The following KIF17 variants were observed in gnomAD, a reference collection of about 807,000 sequenced individuals.
KIF17 encodes kinesin family member 17.
In KIF17, 80 loss-of-function variants were observed where a neutral mutation model predicts 96.8. The observed-to-expected ratio is 0.83, with a 90% confidence interval of 0.69 to 1.00. The LOEUF is 1.00. Among genes scored for constraint, KIF17 ranks in the 50% least tolerant of loss-of-function variants. The pLI is 0.00. For synonymous variants in KIF17, 567 were observed against 587.5 expected, an observed-to-expected ratio of 0.97 and a Z score of 0.51; for missense variants, 1,280 against 1,372.9, an observed-to-expected ratio of 0.93 and a Z score of 1.07.
At chr1:20,710,894 G>T (rs2054423852) in intron 3 of KIF17, among the ~76,000 whole-genome samples, 2 of 152,162 alleles carry the variant, frequency 1.3e-5, no homozygotes, top group Non-Finnish European at 2.9e-5. Flanking sequence ...TGTTAGTGGG[G>T]TCACAGCCGA....
At position 20,687,269 on chromosome 1, in the gene KIF17, AG is replaced by A; in HGVS notation, c.1938+118del. 1 of 1,140,106 alleles carries A rather than the reference AG, an allele frequency of 8.8e-7. No homozygotes were observed. The highest frequency in any genetic ancestry group is 1.3e-6 in the Non-Finnish European group (1 of 761,482). 70.6% of individuals were successfully genotyped at this position (1,140,106 alleles called of 1,614,324 possible). On this transcript the variant is annotated intron_variant, in intron 8 of 14. Coordinates refer to ENST00000400463, the MANE Select transcript of KIF17 (RefSeq NM_001122819.3). The surrounding 1 kb of genome is among the most constrained non-coding windows in gnomAD (Gnocchi z 4.4). ...GCCAGAGCCGCAGCAGACACAGTGG[AG>A]CCACGGCCTGAGTGTCGGAGGCCAT...
At position 20,704,628 on chromosome 1, in the gene KIF17, A is replaced by G. The variant is rs2054308268; in HGVS notation, c.942T>C (p.Pro314=). Residue 314 remains proline (P), a synonymous_variant, in exon 5 of 15, where the codon CCT becomes CCC. Transcript: ENST00000400463. The surrounding 1 kb of genome is among the most constrained non-coding windows in gnomAD (Gnocchi z 6.8). Reference sequence around the variant, plus strand: ...GTGTCTCATCGTAGTTGTTGTCCGCAGGCGACAGGCAGGCCACCATGAGCG... The same window carrying G: ...GTGTCTCATCGTAGTTGTTGTCCGCGGGCGACAGGCAGGCCACCATGAGCG... ...TKTLMVACLS[P]ADNNYDETLS... 3 of 1,613,846 alleles carry G rather than the reference A, an allele frequency of 1.9e-6. No homozygotes were observed. The highest frequency in any genetic ancestry group is 2.5e-6 in the Non-Finnish European group (3 of 1,179,954).
At chr1:20,715,927 C>T (rs1164599153) in intron 1 of KIF17, among the ~76,000 whole-genome samples, 2 of 152,198 alleles carry the variant, frequency 1.3e-5, no homozygotes, top group African/African-American at 2.4e-5. Flanking sequence ...GCTGGCCTTA[C>T]TGAGGCAAAT....
intron 6 of KIF17, chr1:20,693,731 A>C (rs541121429): frequency 6.6e-6 from 1 of 152,232 alleles, no homozygotes; most frequent in South Asian, 2.1e-4. Flanking sequence ...GGGGGTTTTC[A>C]ACCATTTCAC....
rs201424643 is a variant in KIF17 at position 20,704,799 on chromosome 1, G to A, written c.771C>T (p.Leu257=). The A allele has an allele frequency of 1.3e-4, 210 of 1,609,450 alleles. No individual in the cohort carries two copies. The Middle Eastern group carries it at 1.7e-3, about 13-fold the overall frequency. The change falls in exon 5 of 15, where the codon CTC becomes CTT. Residue 257 remains leucine, a synonymous_variant. Coordinates refer to ENST00000400463, the MANE Select transcript of KIF17 (RefSeq NM_001122819.3). The surrounding 1 kb of genome is among the most constrained non-coding windows in gnomAD (Gnocchi z 6.8). ...ACAGGTTGATCTTGGTGGCCTCCTT[G>A]AGCCGCTCGCCCGTGGCCCCGGTCT... ...QSKTGATGER[L]KEATKINLSL... is the part of the protein sequence containing the mutation.
Position 20,704,532 on chromosome 1 carries a change from C to T in KIF17, c.1038G>A (p.Lys346=). Residue 346 remains lysine, a synonymous_variant, in exon 5 of 15, where the codon AAG becomes AAA. Coordinates refer to ENST00000400463, the MANE Select transcript of KIF17 (RefSeq NM_001122819.3). The surrounding 1 kb of genome is among the most constrained non-coding windows in gnomAD (Gnocchi z 6.8). ...CCTGGTACTCGCGAAGCAGCGCATC[C>T]TTGGGGTCCTCATTGATGCGCGGCT... ...RNKPRINEDP[K]DALLREYQEE... is the part of the protein sequence containing the mutation. 6.2e-7 allele frequency: 1 copy of T among 1,614,182 alleles called. No homozygotes were observed. Among genetic ancestry groups the T allele is most frequent in the Non-Finnish European group, 8.5e-7 (1 of 1,180,012 alleles).
At chr1:20,711,285 G>A (rs1479641277) in intron 3 of KIF17, among the ~76,000 whole-genome samples, 1 of 152,144 alleles carries the variant, frequency 6.6e-6, no homozygotes, top group East Asian at 1.9e-4. Context: ...CACCCGAGGG[G>A]TCTCCCGCCA....
rs1437649473 is a variant in KIF17, at chr1:20,699,237, C to T, written c.1124-749G>A. Reference sequence around the variant, plus strand: ...GTGCTGGGATTACAGGGGTGAGCTGCCTTGCCCGGCCCAAGTTGCCATTTA... The same window carrying T: ...GTGCTGGGATTACAGGGGTGAGCTGTCTTGCCCGGCCCAAGTTGCCATTTA... On this transcript the variant is annotated intron_variant, in intron 5 of 14. Coordinates refer to ENST00000400463, the MANE Select transcript of KIF17 (RefSeq NM_001122819.3). The surrounding 1 kb of genome is among the most constrained non-coding windows in gnomAD (Gnocchi z 4.3). 6.6e-6 allele frequency among the ~76,000 whole-genome samples: 1 copy of T among 152,274 alleles called. No individual in the cohort carries two copies. The highest frequency in any genetic ancestry group is 1.9e-4 in the East Asian group (1 of 5,182).
chr1:20,678,619 AC>A (rs2053777367), intron 11 of KIF17, among the ~76,000 whole-genome samples: 1 of 151,970 alleles, frequency 6.6e-6, no homozygotes, highest in African/African-American at 2.4e-5. Context: ...ACAGAGATAA[AC>A]CCCCAAGTGC....
intron 4 of KIF17, among the ~76,000 whole-genome samples, chr1:20,707,198 C>T (rs2054357757): frequency 6.6e-6 from 1 of 152,194 alleles, no homozygotes; most frequent in Admixed American, 6.5e-5. Context: ...TCCAGGACTC[C>T]ATTGCAGGGA....
At chr1:20,661,717 C>G (rs886987880), downstream of KIF17, among the ~76,000 whole-genome samples, 5 of 152,270 alleles carry the variant, frequency 3.3e-5, no homozygotes, top group African/African-American at 1.2e-4. Context: ...CTGGAGCTTG[C>G]GGGGTCCTCC....
chr1:20,671,904 G>C (rs1199645897), intron 12 of KIF17, 34 bp downstream of exon 12: 1 of 1,606,804 alleles, frequency 6.2e-7, no homozygotes, highest in Non-Finnish European at 8.5e-7. Flanking sequence ...CGTGAAGGAG[G>C]GAGGGGAGGG....
Position 20,664,396 on chromosome 1 carries a change from G to A in KIF17, c.*188C>T. 6.7e-7 allele frequency: 1 copy of A among 1,490,026 alleles called. No homozygotes were observed. Among genetic ancestry groups the A allele is most frequent in the Non-Finnish European group, 8.9e-7 (1 of 1,124,404 alleles). The allele number at this position is 1,490,026 out of a possible 1,614,324, so 92.3% of individuals were successfully genotyped here. On this transcript the variant is annotated 3_prime_UTR_variant, in exon 15 of 15. Transcript: ENST00000400463. ...AAGGAGGACTATACAGCCTCCGAGG[G>A]GCTCCTGCCCAGGGCGGAGGTGGGC...
chr1:20,708,854 G>A (rs1442988451), intron 4 of KIF17, among the ~76,000 whole-genome samples: 1 of 152,084 alleles, frequency 6.6e-6, no homozygotes, highest in African/African-American at 2.4e-5. Flanking sequence ...TTGCTTTCTC[G>A]GCAGCATTTC....
rs911953244 is a variant in KIF17, at chr1:20,699,439, G to A, written c.1124-951C>T. Among the ~76,000 whole-genome samples, 2 of 152,174 alleles carry A rather than the reference G, an allele frequency of 1.3e-5. No individual in the cohort carries two copies. Among genetic ancestry groups the A allele is most frequent in the Non-Finnish European group, 2.9e-5 (2 of 68,038 alleles). ...AAATTAGCTAGGCATGGTGGCGGGA[G>A]CCTGTAATCCCAGCTACTCAGGAGG... is the stretch of plus-strand genomic sequence containing the variant. On this transcript the variant is annotated intron_variant, in intron 5 of 14. Transcript: ENST00000400463. The surrounding 1 kb of genome is among the most constrained non-coding windows in gnomAD (Gnocchi z 4.3).
chr1:20,711,569 C>T (rs896270861), intron 3 of KIF17, among the ~76,000 whole-genome samples: 1 of 152,140 alleles, frequency 6.6e-6, no homozygotes, highest in African/African-American at 2.4e-5. Context: ...GGAGGGGAGC[C>T]CTTGACACTT....
At chr1:20,712,678 T>TCTATATATATAATATAGATAA (rs1197128162) in intron 3 of KIF17, among the ~76,000 whole-genome samples, 1 of 46,810 alleles carries the variant, frequency 2.1e-5, no homozygotes, top group African/African-American at 9.6e-5. Flanking sequence ...ATAGATAATA[T>TCTATATATATAATATAGATAA]TATCTATATA....
At chr1:20,686,854 C>A (rs549163471) in intron 8 of KIF17, among the ~76,000 whole-genome samples, 5 of 152,166 alleles carry the variant, frequency 3.3e-5, no homozygotes, top group African/African-American at 4.8e-5. Flanking sequence ...AGCCAATGTG[C>A]CTGGCCAAGA....
Position 20,690,352 on chromosome 1 carries a change from G to GTGCC in KIF17, c.1234-18_1234-17insGGCA. 6 of 451,152 alleles carry GTGCC rather than the reference G, an allele frequency of 1.3e-5. No individual in the cohort carries two copies. The highest frequency in any genetic ancestry group is 2.1e-5 in the Non-Finnish European group (5 of 235,134). The allele number at this position is 451,152 out of a possible 1,614,324, so 27.9% of individuals were successfully genotyped here. ...TTCATACTCCTGGGGGGGTGGGAGG[G>GTGCC]ACCAGAGGGCAGGCAGCATTTTATC... On this transcript the variant is annotated splice_polypyrimidine_tract_variant and intron_variant, in intron 6 of 14. Transcript: ENST00000400463.
Sources: gnomAD v4.1 joint callset for allele counts (sites outside exome capture counted in the v4.1 genomes callset) on GRCh38, gnomAD v4.1.1 for gene constraint, Gnocchi (gnomAD v3.1) non-coding constraint, MANE v1.5 for transcripts, NCBI Gene and HGNC (gene_info 2026-07-23, HGNC 2026-07-21) for gene names.